AMOT: variants seen among roughly 807,000 people sequenced by gnomAD.
AMOT encodes the protein angiomotin.
A neutral mutation model predicts 67.0 loss-of-function variants in AMOT; 11 were observed. The observed-to-expected ratio is 0.16, with a 90% CI of 0.10 to 0.27. The LOEUF is 0.27. Among genes scored for constraint, AMOT ranks in the 10% least tolerant of loss-of-function variants. AMOT has a pLI of 1.00. For missense variants in AMOT, 753 were observed against 852.0 expected, an observed-to-expected ratio of 0.88 and a Z score of 1.45; for synonymous variants, 326 against 321.4, an observed-to-expected ratio of 1.01 and a Z score of -0.15.
At chrX:112,821,249 C>G (rs1160100990) in intron 4 of AMOT, among the ~76,000 whole-genome samples, 1 of 111,167 alleles carries the variant, frequency 9.0e-6, no homozygotes, top group East Asian at 2.8e-4. Context: ...AAATGAAGGC[C>G]AGCCTAGGAC....
chrX:112,793,718 G>T (rs868111236), intron 8 of AMOT, among the ~76,000 whole-genome samples: 6 of 111,893 alleles, frequency 5.4e-5, no homozygotes, highest in South Asian at 7.5e-4. Context: ...ATCTAGCCTT[G>T]AAAACCAGTT....
In AMOT at chrX:112,822,239, A is replaced by C. The variant is rs1329559608; in HGVS notation, c.872+16T>G. On this transcript the variant is annotated intron_variant, in intron 4 of 13. Coordinates refer to ENST00000371959, the MANE Select transcript of AMOT (RefSeq NM_001113490.2). ...GGGGATGAGGTCAGGAAATGACAGA[A>C]ACAGAACTCTCTTACCTGGCTGCTC... The C allele has an allele frequency of 9.2e-7, 1 of 1,085,390 alleles. No homozygotes were observed. The highest frequency in any genetic ancestry group is 1.2e-6 in the Non-Finnish European group (1 of 834,321). The allele number at this position is 1,085,390 out of a possible 1,213,427, so 89.4% of individuals were successfully genotyped here. A position where few individuals can be genotyped will look rare whatever the true frequency, so the allele number is the denominator to read the frequency against.
chrX:112,827,801 T>C (rs1934881787), intron 2 of AMOT, among the ~76,000 whole-genome samples: 1 of 111,465 alleles, frequency 9.0e-6, no homozygotes, highest in Non-Finnish European at 1.9e-5. Flanking sequence ...ACTCCCACCC[T>C]TCAAATAAAT....
rs1932978244 is a variant in AMOT at position 112,777,889 on chromosome X, T to C, written c.*678A>G. On this transcript the variant is annotated 3_prime_UTR_variant, in exon 14 of 14. Coordinates refer to ENST00000371959, the MANE Select transcript of AMOT (RefSeq NM_001113490.2). ...AATGCATAAATTACTCCAGAGCATA[T>C]ATATGAATGTATGAACCTCCAGGAG... The C allele has an allele frequency of 8.9e-6, 1 of 112,111 alleles. No homozygotes were observed. Among genetic ancestry groups the C allele is most frequent in the Non-Finnish European group, 1.9e-5 (1 of 53,236 alleles). The allele number at this position is 112,111 out of a possible 1,213,427, so 9.2% of individuals were successfully genotyped here. A position where few individuals can be genotyped will look rare whatever the true frequency, so the allele number is the denominator to read the frequency against.
chrX:112,796,165 A>G (rs1206977741), intron 8 of AMOT, among the ~76,000 whole-genome samples: 1 of 112,016 alleles, frequency 8.9e-6, no homozygotes, highest in African/African-American at 3.3e-5. Context: ...GGCTCAGCCA[A>G]ACGGGGTCCT....
intron 2 of AMOT, among the ~76,000 whole-genome samples, chrX:112,826,604 C>CCAG (rs1934847566): frequency 8.9e-6 from 1 of 112,180 alleles, no homozygotes; most frequent in Non-Finnish European, 1.9e-5. Context: ...TACATAACCA[C>CCAG]CGTGCTTCTA....
chrX:112,820,988 T>G (rs1934699298), intron 4 of AMOT, among the ~76,000 whole-genome samples: 1 of 109,114 alleles, frequency 9.2e-6, no homozygotes, highest in African/African-American at 3.3e-5. Context: ...CTGGCAAAGT[T>G]AGAGGTGGAG....
intron 5 of AMOT, among the ~76,000 whole-genome samples, chrX:112,812,455 T>G (rs1934400625): frequency 9.0e-6 from 1 of 111,448 alleles, no homozygotes; most frequent in African/African-American, 3.3e-5. Flanking sequence ...ATCAGAGTTG[T>G]GTTTTATGAC....
chrX:112,820,686 A>T (rs923044008), intron 4 of AMOT, among the ~76,000 whole-genome samples: 3 of 111,792 alleles, frequency 2.7e-5, no homozygotes, highest in African/African-American at 9.8e-5. Flanking sequence ...TGGGAAAAGC[A>T]AAATAAAAAC....
At chrX:112,787,190 GACC>G (rs1352371186) in intron 10 of AMOT, among the ~76,000 whole-genome samples, 1 of 111,718 alleles carries the variant, frequency 9.0e-6, no homozygotes, top group Non-Finnish European at 1.9e-5. Flanking sequence ...GGTATAAATA[GACC>G]ACCTAATACG....
intron 3 of AMOT, among the ~76,000 whole-genome samples, chrX:112,824,634 C>G (rs2147824362): frequency 9.0e-6 from 1 of 111,179 alleles, no homozygotes; most frequent in South Asian, 3.8e-4. Flanking sequence ...ACGAAGGGAC[C>G]CTCCAAAGTC....
intron 6 of AMOT, among the ~76,000 whole-genome samples, chrX:112,810,904 A>C (rs980282570): frequency 9.0e-6 from 1 of 111,538 alleles, no homozygotes; most frequent in African/African-American, 3.3e-5. Flanking sequence ...TCAAGCTTGC[A>C]GTCAAAGGGC....
Position 112,790,693 on chromosome X carries a change from C to G in AMOT, c.2016G>C (p.Leu672=), listed in dbSNP as rs1238222932. 1.7e-6 allele frequency: 2 copies of G among 1,211,320 alleles called. No individual in the cohort carries two copies. The change falls in exon 10 of 14, where the codon CTG becomes CTC. Residue 672 remains leucine (L), a synonymous_variant. Transcript: ENST00000371959. ...ACTTTGTCATATCAGCTTCCAGAGC[C>G]AGAATCCTCTCCTCTTTCTCCCGAA... ...ELLREKEERI[L]ALEADMTKWE...
At chrX:112,809,073 C>T (rs1934275742) in intron 7 of AMOT, among the ~76,000 whole-genome samples, 1 of 111,157 alleles carries the variant, frequency 9.0e-6, no homozygotes, top group African/African-American at 3.3e-5. Flanking sequence ...TGGCAAATCC[C>T]TACTGAGCAC....
At chrX:112,800,838 C>T (rs973248394) in intron 8 of AMOT, among the ~76,000 whole-genome samples, 34 of 111,938 alleles carry the variant, frequency 3.0e-4, no homozygotes, top group African/African-American at 1.0e-3. Flanking sequence ...TACTCCAATA[C>T]GAGCTATCAA....
At position 112,815,672 on chromosome X, in the gene AMOT, G is replaced by C. The variant is rs1934528158; in HGVS notation, c.1078C>G (p.Gln360Glu). The C allele has an allele frequency of 5.1e-6, 6 of 1,176,495 alleles. No individual in the cohort carries two copies. The East Asian group carries it at 9.6e-5, about 19-fold the overall frequency. The change falls in exon 5 of 14, where the codon CAG (glutamine) becomes GAG (glutamate). Residue 360 changes from glutamine (Q) to glutamate (E), a missense_variant. Coordinates refer to ENST00000371959, the MANE Select transcript of AMOT (RefSeq NM_001113490.2). ...PRPQQHFLPN[Q>E]AHQGDHYRLS... is the part of the protein sequence containing the mutation. Reference sequence around the variant, plus strand: ...CGGTAATGATCCCCCTGGTGAGCCTGATTAGGAAGGAAATGCTGCTGCGGC... The same window carrying C: ...CGGTAATGATCCCCCTGGTGAGCCTCATTAGGAAGGAAATGCTGCTGCGGC...
intron 10 of AMOT, among the ~76,000 whole-genome samples, chrX:112,787,097 C>T (rs1179509401): frequency 6.3e-5 from 7 of 111,666 alleles, no homozygotes; most frequent in African/African-American, 2.0e-4. Context: ...TAGGTTTTCA[C>T]GCTCTGATCT....
chrX:112,818,694 T>G (rs767854123), intron 4 of AMOT, among the ~76,000 whole-genome samples: 3 of 109,709 alleles, frequency 2.7e-5, no homozygotes, highest in African/African-American at 1.0e-4. Flanking sequence ...TAAGGGAGAG[T>G]TGGAGGGGGC....
chrX:112,779,384 C>T lies in AMOT; in HGVS notation c.2770G>A (p.Ala924Thr). Reference sequence around the variant, plus strand: ...GCAGTGGCTGGAGACGGGGCAGCAGCAGCAGCTGGAGCAGCAGCAGCAGCA... The same window carrying T: ...GCAGTGGCTGGAGACGGGGCAGCAGTAGCAGCTGGAGCAGCAGCAGCAGCA... ...AVAAAAAPAA[A>T]AAPSPATAAA... Residue 924 changes from alanine (A) to threonine (T), a missense_variant, in exon 13 of 14, where the codon GCT becomes ACT. This residue lies in a region of AMOT where 269 missense variants were observed against 300.9 expected (regional missense o/e 0.89). Transcript: ENST00000371959. 9.5e-7 allele frequency: 1 copy of T among 1,056,278 alleles called. No individual in the cohort carries two copies. The highest frequency in any genetic ancestry group is 1.3e-6 in the Non-Finnish European group (1 of 771,327). 87.0% of individuals were successfully genotyped at this position (1,056,278 alleles called of 1,213,427 possible). A position where few individuals can be genotyped will look rare whatever the true frequency, so the allele number is the denominator to read the frequency against.
Sources: gnomAD v4.1 joint callset for allele counts (sites outside exome capture counted in the v4.1 genomes callset) on GRCh38, gnomAD v4.1.1 for gene constraint, gnomAD v4.1.1 regional missense constraint, MANE v1.5 for transcripts, NCBI Gene and HGNC (gene_info 2026-07-23, HGNC 2026-07-21) for gene names.